The following ADCY2 variants were observed in gnomAD, a reference collection of about 807,000 sequenced individuals.
ADCY2 encodes the protein adenylate cyclase 2.
A neutral mutation model predicts 125.2 loss-of-function variants in ADCY2; 31 were observed. That is an observed-to-expected ratio of 0.25 (90% CI 0.19 to 0.33). The LOEUF (loss-of-function observed/expected upper bound fraction) is 0.33. Ranked by LOEUF, ADCY2 falls within the 10% of genes least tolerant of loss-of-function variation. The pLI is 1.00. For synonymous variants in ADCY2, 512 were observed against 548.4 expected, an observed-to-expected ratio of 0.93 and a Z score of 0.93; for missense variants, 904 against 1,418.2, an observed-to-expected ratio of 0.64 and a Z score of 5.82.
chr5:7,484,234 C>G (rs1417080117), intron 2 of ADCY2, among the ~76,000 whole-genome samples: 3 of 152,036 alleles, frequency 2.0e-5, no homozygotes, highest in Non-Finnish European at 4.4e-5. Flanking sequence ...TCTAAGTGAC[C>G]AGCTAAATAA....
intron 3 of ADCY2, among the ~76,000 whole-genome samples, chr5:7,568,223 C>T (rs930566867): frequency 1.8e-4 from 28 of 152,280 alleles, no homozygotes; most frequent in African/African-American, 6.5e-4. Flanking sequence ...TTCATGTCCA[C>T]GTGGTCCTGG....
In ADCY2 at chr5:7,707,714, A is replaced by G; in HGVS notation, c.1277A>G (p.His426Arg). ...TTAAAATGCAATTTCAGACGTGTTC[A>G]CATTTCTTCTGTCACCCTGGAGCAC... ...MEAGGVPGRV[H>R]ISSVTLEHLN... The change falls in exon 9 of 25, where the codon CAC (histidine) becomes CGC (arginine). Residue 426 changes from histidine to arginine, a missense_variant. Coordinates refer to ENST00000338316, the MANE Select transcript of ADCY2 (RefSeq NM_020546.3). The G allele has an allele frequency of 1.9e-6, 3 of 1,614,086 alleles. No homozygotes were observed. The highest frequency in any genetic ancestry group is 2.5e-6 in the Non-Finnish European group (3 of 1,179,996).
chr5:7,543,837 C>A (rs963586621), intron 3 of ADCY2, among the ~76,000 whole-genome samples: 1 of 151,642 alleles, frequency 6.6e-6, no homozygotes, highest in Admixed American at 6.6e-5. Flanking sequence ...CATGGTGAAA[C>A]CCCGTCTCTA....
chr5:7,542,243 A>G (rs551979487), intron 3 of ADCY2, among the ~76,000 whole-genome samples: 1 of 152,310 alleles, frequency 6.6e-6, no homozygotes, highest in East Asian at 1.9e-4. Context: ...TCATGTGTTG[A>G]AAGTAAAATG....
intron 2 of ADCY2, among the ~76,000 whole-genome samples, chr5:7,515,376 G>A (rs1351266437): frequency 5.9e-5 from 9 of 152,168 alleles, no homozygotes. Context: ...TTTTGGGGTA[G>A]GCAGGAGCAG....
chr5:7,557,897 A>G (rs544676054), intron 3 of ADCY2, among the ~76,000 whole-genome samples: 1 of 152,130 alleles, frequency 6.6e-6, no homozygotes, highest in Non-Finnish European at 1.5e-5. Context: ...CAGTAATGGG[A>G]TTGCTAGGTC....
intron 4 of ADCY2, among the ~76,000 whole-genome samples, chr5:7,652,645 C>T (rs1256187743): frequency 3.3e-5 from 5 of 152,210 alleles, no homozygotes. Flanking sequence ...CCTCATTTTA[C>T]ACCAGGAGCA....
chr5:7,589,266 T>A (rs1476405788), intron 3 of ADCY2, among the ~76,000 whole-genome samples: 2 of 151,704 alleles, frequency 1.3e-5, no homozygotes, highest in South Asian at 2.1e-4. Flanking sequence ...GGAAAACAGA[T>A]GAAAAACATA....
intron 11 of ADCY2, 70 bp downstream of exon 11, chr5:7,712,969 C>G: frequency 8.4e-7 from 1 of 1,185,678 alleles, no homozygotes; most frequent in South Asian, 1.3e-5. Context: ...TAATTATCAT[C>G]AATTATGGTA....
intron 1 of ADCY2, among the ~76,000 whole-genome samples, chr5:7,397,669 T>C (rs1739112656): frequency 2.0e-5 from 3 of 152,150 alleles, no homozygotes; most frequent in South Asian, 4.1e-4. Context: ...TCAAATGTTA[T>C]GCATGGGAAG....
intron 7 of ADCY2, among the ~76,000 whole-genome samples, chr5:7,706,296 G>C (rs1448270469): frequency 1.3e-5 from 2 of 152,150 alleles, no homozygotes; most frequent in Non-Finnish European, 2.9e-5. Context: ...GCTCACAAAT[G>C]AGCTATATTG....
chr5:7,718,618 G>T (rs1209773854), intron 12 of ADCY2, among the ~76,000 whole-genome samples: 1 of 152,104 alleles, frequency 6.6e-6, no homozygotes, highest in Non-Finnish European at 1.5e-5. Context: ...CCATTCGGAT[G>T]TGCTAGAACA....
intron 3 of ADCY2, among the ~76,000 whole-genome samples, chr5:7,541,057 A>G (rs993632766): frequency 2.6e-5 from 4 of 152,026 alleles, no homozygotes; most frequent in South Asian, 2.1e-4. Flanking sequence ...TGATCTCGGC[A>G]CAGCGTATCA....
intron 2 of ADCY2, among the ~76,000 whole-genome samples, chr5:7,437,166 G>A (rs1247825192): frequency 6.6e-6 from 1 of 152,170 alleles, no homozygotes; most frequent in African/African-American, 2.4e-5. Context: ...ACAAAGTGCT[G>A]GTGTTCAACA....
chr5:7,402,364 G>T (rs1579406331), intron 1 of ADCY2, among the ~76,000 whole-genome samples: 1 of 152,210 alleles, frequency 6.6e-6, no homozygotes, highest in Non-Finnish European at 1.5e-5. Context: ...AAAATCACAA[G>T]GGAGAGGATG....
intron 3 of ADCY2, among the ~76,000 whole-genome samples, chr5:7,549,529 C>T (rs144148034): frequency 6.6e-6 from 1 of 152,312 alleles, no homozygotes. Context: ...AGGTATCACC[C>T]TCTCAAATTT....
At chr5:7,545,741 C>T (rs536605229) in intron 3 of ADCY2, among the ~76,000 whole-genome samples, 133 of 152,214 alleles carry the variant, frequency 8.7e-4, no homozygotes, top group African/African-American at 3.1e-3. Context: ...AGCATGCGGT[C>T]GGTGGGTTAC....
rs887116292 is a variant in ADCY2 at position 7,403,215 on chromosome 5, A to G, written c.210+6709A>G. ...CAAATAATTAAGATATCAAGTTACTAATGATCTGTGGTCATTATGAAAGAA... is the reference window on the plus strand; with the variant it reads ...CAAATAATTAAGATATCAAGTTACTGATGATCTGTGGTCATTATGAAAGAA... On this transcript the variant is annotated intron_variant, in intron 1 of 24. Transcript: ENST00000338316. Among the ~76,000 whole-genome samples, 6 of 152,150 alleles carry G rather than the reference A, an allele frequency of 3.9e-5. 1 individual carries two copies. The highest frequency in any genetic ancestry group is 7.2e-5 in the African/African-American group (3 of 41,418).
intron 3 of ADCY2, among the ~76,000 whole-genome samples, chr5:7,609,801 C>T (rs1561123615): frequency 6.6e-6 from 1 of 152,262 alleles, no homozygotes; most frequent in Middle Eastern, 3.4e-3. Flanking sequence ...TATGAGGAAG[C>T]CGTCCTGGAG....
Sources: allele counts gnomAD v4.1 joint callset (sites outside exome capture counted in the v4.1 genomes callset), GRCh38; gene constraint gnomAD v4.1.1; transcripts MANE v1.5; gene names NCBI Gene and HGNC (gene_info 2026-07-23, HGNC 2026-07-21).